The following PIGN variants were observed in gnomAD, a reference collection of about 807,000 sequenced individuals.
The protein encoded by PIGN is GPI ethanolamine phosphate transferase 1.
A neutral mutation model predicts 125.4 loss-of-function variants in PIGN; 117 were observed. That is an observed-to-expected ratio of 0.93 (90% confidence interval 0.80 to 1.09). The LOEUF is 1.09. Among genes scored for constraint, PIGN ranks in the 50% least tolerant of loss-of-function variants. PIGN has a pLI of 0.00. For missense variants in PIGN, 1,075 were observed against 1,094.9 expected, an observed-to-expected ratio of 0.98 and a Z score of 0.26; for synonymous variants, 392 against 377.8, an observed-to-expected ratio of 1.04 and a Z score of -0.44.
At chr18:62,021,144 C>G (rs968408287) in intron 23 of PIGN, among the ~76,000 whole-genome samples, 4 of 152,066 alleles carry the variant, frequency 2.6e-5, no homozygotes, top group Non-Finnish European at 4.4e-5. Flanking sequence ...CATTTCACAC[C>G]TAGGTATTTA....
chr18:62,064,000 C>T (rs2032358176), intron 30 of PIGN, among the ~76,000 whole-genome samples: 1 of 151,890 alleles, frequency 6.6e-6, no homozygotes, highest in South Asian at 2.1e-4. Flanking sequence ...ATGGGTGCAG[C>T]ACACCAACAT....
chr18:62,024,410 C>T (rs2030090779), intron 23 of PIGN, among the ~76,000 whole-genome samples: 1 of 152,190 alleles, frequency 6.6e-6, no homozygotes, highest in Non-Finnish European at 1.5e-5. Context: ...CACCGATTTC[C>T]TCTAGCAGTA....
At chr18:62,055,639 TG>T (rs1053029700) in intron 30 of PIGN, among the ~76,000 whole-genome samples, 1 of 152,128 alleles carries the variant, frequency 6.6e-6, no homozygotes, top group Non-Finnish European at 1.5e-5. Flanking sequence ...AAGTTACCAC[TG>T]GGGGGAAATA....
At chr18:62,126,053 G>GA (rs899293453) in intron 14 of PIGN, among the ~76,000 whole-genome samples, 9 of 151,822 alleles carry the variant, frequency 5.9e-5, no homozygotes, top group Non-Finnish European at 1.0e-4. Flanking sequence ...AACAGCATGA[G>GA]AAAAAAATCT....
intron 6 of PIGN, among the ~76,000 whole-genome samples, chr18:62,155,984 T>A (rs1411690295): frequency 6.6e-6 from 1 of 152,248 alleles, no homozygotes; most frequent in Non-Finnish European, 1.5e-5. Flanking sequence ...CCTGGACACA[T>A]AATAATCTTC....
chr18:62,100,643 A>C (rs969302950), intron 22 of PIGN, among the ~76,000 whole-genome samples: 1 of 152,206 alleles, frequency 6.6e-6, no homozygotes, highest in African/African-American at 2.4e-5. Context: ...CAAATGTCTA[A>C]CTAGCTTTAA....
At chr18:62,176,998 A>G (rs2037548210) in intron 1 of PIGN, among the ~76,000 whole-genome samples, 1 of 152,066 alleles carries the variant, frequency 6.6e-6, no homozygotes, top group African/African-American at 2.4e-5. Flanking sequence ...CTGAATCTAT[A>G]CTCAAAAGAT....
intron 20 of PIGN, among the ~76,000 whole-genome samples, chr18:62,103,236 G>A (rs1249690785): frequency 3.9e-5 from 6 of 151,934 alleles, no homozygotes; most frequent in Admixed American, 3.3e-4. Context: ...CCTGAATTGG[G>A]CAAATTTACA....
chr18:62,114,293 C>T (rs1011378474), intron 15 of PIGN, among the ~76,000 whole-genome samples: 3 of 150,336 alleles, frequency 2.0e-5, no homozygotes, highest in African/African-American at 7.3e-5. Context: ...ACCTGGGAGG[C>T]GGAGGTTGCA....
In PIGN at chr18:62,106,121, A is replaced by T. The variant is rs143504417; in HGVS notation, c.1768-487T>A. On this transcript the variant is annotated intron_variant, in intron 19 of 30. Transcript: ENST00000640252. ...CACCAAACAACTGAGCCCAGAAGGA[A>T]AATAAGTAAAACTACTTTTGTAATT... 1.6e-3 allele frequency among the ~76,000 whole-genome samples: 241 copies of T among 152,348 alleles called. 1 individual carries two copies. The highest frequency in any genetic ancestry group is 5.4e-3 in the African/African-American group (225 of 41,588).
rs149193077 is a variant in PIGN, at chr18:62,091,358, T to C, written c.2181-780A>G. On this transcript the variant is annotated intron_variant, in intron 23 of 30. Transcript: ENST00000640252. Reference sequence around the variant, plus strand: ...AGATTCTGTCTCAAAAACAAAACAGTGTTGACAAGAATGTGATGAAAAAGG... The same window carrying C: ...AGATTCTGTCTCAAAAACAAAACAGCGTTGACAAGAATGTGATGAAAAAGG... 1.6e-3 allele frequency among the ~76,000 whole-genome samples: 242 copies of C among 152,104 alleles called. 1 individual carries two copies. Among genetic ancestry groups the C allele is most frequent in the African/African-American group, 5.4e-3 (226 of 41,480 alleles).
intron 20 of PIGN, among the ~76,000 whole-genome samples, 188 bp from the exon 21 acceptor site, chr18:62,103,090 C>G (rs1332615299): frequency 6.6e-6 from 1 of 152,024 alleles, no homozygotes; most frequent in Non-Finnish European, 1.5e-5. Context: ...TTTAAGAAAA[C>G]TTTTAATCTT....
intron 1 of PIGN, among the ~76,000 whole-genome samples, chr18:62,175,665 T>C (rs2037500122): frequency 6.6e-6 from 1 of 152,192 alleles, no homozygotes; most frequent in East Asian, 1.9e-4. Context: ...TGCATGTTTC[T>C]AATATGTATC....
intron 14 of PIGN, among the ~76,000 whole-genome samples, chr18:62,126,261 T>C (rs1318386695): frequency 6.6e-6 from 1 of 152,138 alleles, no homozygotes; most frequent in Non-Finnish European, 1.5e-5. Context: ...TATCATACTT[T>C]CTAGTGATTA....
At chr18:62,090,052 A>C (rs1299669191) in intron 24 of PIGN, among the ~76,000 whole-genome samples, 1 of 152,208 alleles carries the variant, frequency 6.6e-6, no homozygotes, top group Non-Finnish European at 1.5e-5. Context: ...AGAAAGTGAA[A>C]AACAACAATA....
intron 29 of PIGN, among the ~76,000 whole-genome samples, chr18:62,073,849 C>G (rs2033027545): frequency 6.6e-6 from 1 of 152,168 alleles, no homozygotes; most frequent in African/African-American, 2.4e-5. Context: ...AATTTCTGGG[C>G]CCTTGGAATG....
rs201595017 is a variant in PIGN, at chr18:62,086,634, TA to T, written c.2371-1371del. Among the ~76,000 whole-genome samples the T allele has an allele frequency of 9.0e-3, 1,127 of 125,810 alleles. 16 individuals are homozygous for T. The highest frequency in any genetic ancestry group is 0.034 in the African/African-American group (1,070 of 31,712). The allele number at this position is 125,810 out of a possible 152,430, so 82.5% of individuals were successfully genotyped here. On this transcript the variant is annotated intron_variant, in intron 25 of 30. Coordinates refer to ENST00000640252, the MANE Select transcript of PIGN (RefSeq NM_176787.5). ...CCGTTTTTTGTTTTTTTTTTTTTTTTAAAAAGCCTGAACTTTATTGTGGATA... is the reference window on the plus strand; with the variant it reads ...CCGTTTTTTGTTTTTTTTTTTTTTTTAAAAGCCTGAACTTTATTGTGGATA...
intron 20 of PIGN, 179 bp downstream of exon 20, chr18:62,105,364 T>G: frequency 2.4e-6 from 1 of 411,260 alleles, no homozygotes; most frequent in Non-Finnish European, 4.5e-6. Context: ...TACTAGGAGG[T>G]TTAATGACTC....
chr18:62,037,223 G>A (rs1254292189), downstream of PIGN, among the ~76,000 whole-genome samples: 1 of 152,208 alleles, frequency 6.6e-6, no homozygotes. Context: ...CCCTAAGGGA[G>A]TCTGGTGATT....
Sources: gnomAD v4.1 joint callset for allele counts (sites outside exome capture counted in the v4.1 genomes callset) on GRCh38, gnomAD v4.1.1 for gene constraint, MANE v1.5 for transcripts, NCBI Gene and HGNC (gene_info 2026-07-23, HGNC 2026-07-21) for gene names.